Variants in OR52E5 observed in about 807,000 individuals in gnomAD.
OR52E5 encodes the protein olfactory receptor 52E5.
chr11:5,901,553 G>T lies in OR52E5; in HGVS notation c.777G>T (p.Met259Ile). The T allele has an allele frequency of 2.5e-6, 1 of 401,708 alleles. No homozygotes were observed. The highest frequency in any genetic ancestry group is 1.3e-4 in the South Asian group (1 of 7,918). 24.9% of individuals were successfully genotyped at this position (401,708 alleles called of 1,614,324 possible). ...ACCTGCCAGCCCTCTTTTCCTTCAT[G>T]ACACACCGCTTTGGCCACAACATCC... ...AFYLPALFSF[M>I]THRFGHNIPH... Residue 259 changes from methionine to isoleucine, a missense_variant, in exon 3 of 3, where the codon ATG (methionine) becomes ATT (isoleucine). Met to Ile is a conservative substitution (Grantham distance 10). Coordinates refer to ENST00000610445, the MANE Select transcript of OR52E5 (RefSeq NM_001005166.5).
intron 2 of OR52E5, among the ~76,000 whole-genome samples, chr11:5,898,815 A>G (rs1315002150): frequency 6.6e-6 from 1 of 152,166 alleles, no homozygotes; most frequent in African/African-American, 2.4e-5. Flanking sequence ...TGTTTCCAGC[A>G]ATGCCATGCT....
At chr11:5,898,969 G>GA (rs1254641584) in intron 2 of OR52E5, among the ~76,000 whole-genome samples, 1 of 151,944 alleles carries the variant, frequency 6.6e-6, no homozygotes, top group Non-Finnish European at 1.5e-5. Context: ...TTTCTAATTT[G>GA]AAAAAATGGC....
chr11:5,896,109 A>G (rs1421382021), intron 2 of OR52E5, among the ~76,000 whole-genome samples: 1 of 151,882 alleles, frequency 6.6e-6, no homozygotes, highest in African/African-American at 2.4e-5. Context: ...AGGTAGGAAT[A>G]TAAATAGAGA....
chr11:5,897,864 T>C (rs1847197086), intron 2 of OR52E5, among the ~76,000 whole-genome samples: 1 of 152,128 alleles, frequency 6.6e-6, no homozygotes, highest in Non-Finnish European at 1.5e-5. Flanking sequence ...TTGTTGTTTG[T>C]CTGCTTGTTC....
rs762698528 is a variant in OR52E5, at chr11:5,901,889, C to A, written c.*129C>A. On this transcript the variant is annotated 3_prime_UTR_variant, in exon 3 of 3. Transcript: ENST00000610445. ...CAGTACGGTCTGTTGGAAGTTATAG[C>A]TCAAAGATTCCAAAACAATCTCTCT... The A allele has an allele frequency of 1.3e-5, 5 of 398,566 alleles. No homozygotes were observed. Among genetic ancestry groups the A allele is most frequent in the African/African-American group, 2.1e-5 (1 of 48,616 alleles). The allele number at this position is 398,566 out of a possible 1,614,324, so 24.7% of individuals were successfully genotyped here. A position where few individuals can be genotyped will look rare whatever the true frequency, so the allele number is the denominator to read the frequency against.
intron 2 of OR52E5, among the ~76,000 whole-genome samples, chr11:5,897,918 A>G (rs1359209384): frequency 6.6e-6 from 1 of 152,120 alleles, no homozygotes; most frequent in Non-Finnish European, 1.5e-5. Context: ...GCTGGAGTGA[A>G]GTAGCACAAT....
intron 2 of OR52E5, among the ~76,000 whole-genome samples, chr11:5,895,977 T>C (rs1057049860): frequency 6.7e-5 from 10 of 150,256 alleles, no homozygotes; most frequent in African/African-American, 2.2e-4. Flanking sequence ...TCTACCCAAG[T>C]GGTGGAGGTT....
At chr11:5,893,474 G>C (rs1847131745) in intron 1 of OR52E5, among the ~76,000 whole-genome samples, 1 of 151,992 alleles carries the variant, frequency 6.6e-6, no homozygotes, top group Admixed American at 6.6e-5. Context: ...ATTACTTAAG[G>C]ACATGATAAA....
At chr11:5,900,503 G>A (rs1847234584) in intron 2 of OR52E5, 129 bp from the exon 3 acceptor site, 1 of 297,268 alleles carries the variant, frequency 3.4e-6, no homozygotes, top group South Asian at 1.6e-4. Flanking sequence ...AGAGACTGAA[G>A]GGAGGAAAGA....
intron 1 of OR52E5, 57 bp from the exon 2 acceptor site, chr11:5,895,575 G>A (rs558316211): frequency 1.3e-5 from 2 of 152,082 alleles, no homozygotes; most frequent in South Asian, 4.1e-4. Context: ...TTTAATCTTT[G>A]TAAATAGCCA....
chr11:5,901,566 G>C lies in OR52E5; in HGVS notation c.790G>C (p.Gly264Arg), dbSNP rs1367553356. Residue 264 changes from glycine to arginine, a missense_variant, in exon 3 of 3, where the codon GGC becomes CGC. Transcript: ENST00000610445. The part of the protein sequence containing the change: ...ALFSFMTHRF[G>R]HNIPHYIHIL... The stretch of plus-strand genomic sequence containing the variant: ...CTTTTCCTTCATGACACACCGCTTT[G>C]GCCACAACATCCCTCATTACATCCA... The C allele has an allele frequency of 7.5e-6, 3 of 401,624 alleles. No homozygotes were observed. The highest frequency in any genetic ancestry group is 6.2e-5 in the African/African-American group (3 of 48,652). The allele number at this position is 401,624 out of a possible 1,614,324, so 24.9% of individuals were successfully genotyped here. A position where few individuals can be genotyped will look rare whatever the true frequency, so the allele number is the denominator to read the frequency against.
chr11:5,901,978 A>G lies in OR52E5; in HGVS notation c.*218A>G, dbSNP rs2134299477. ...AGCCCCATGATACTACAAAATGCCTAAAGAGAAACAAAGGCTTTGTAAAAG... is the reference window on the plus strand; with the variant it reads ...AGCCCCATGATACTACAAAATGCCTGAAGAGAAACAAAGGCTTTGTAAAAG... On this transcript the variant is annotated 3_prime_UTR_variant, in exon 3 of 3. Transcript: ENST00000610445. 2 of 363,696 alleles carry G rather than the reference A, an allele frequency of 5.5e-6. No individual in the cohort carries two copies. The highest frequency in any genetic ancestry group is 4.0e-5 in the East Asian group (1 of 25,108). 22.5% of individuals were successfully genotyped at this position (363,696 alleles called of 1,614,324 possible).
chr11:5,893,617 G>C (rs73398275), intron 1 of OR52E5, among the ~76,000 whole-genome samples: 1 of 151,940 alleles, frequency 6.6e-6, no homozygotes, highest in African/African-American at 2.4e-5. Context: ...TCATTCCCTG[G>C]TTATAGCTGT....
At position 5,902,609 on chromosome 11, in the gene OR52E5, G is replaced by A. The variant is rs1261378346; in HGVS notation, c.*849G>A. On this transcript the variant is annotated 3_prime_UTR_variant, in exon 3 of 3. Coordinates refer to ENST00000610445, the MANE Select transcript of OR52E5 (RefSeq NM_001005166.5). ...ACTCAGGGAAATCCCATCCTCCACA[G>A]TCTTTGCTAGAGTGGGTTTTAGGGC... The A allele has an allele frequency of 6.6e-6, 1 of 152,202 alleles. No individual in the cohort carries two copies. Among genetic ancestry groups the A allele is most frequent in the Non-Finnish European group, 1.5e-5 (1 of 68,036 alleles). The allele number at this position is 152,202 out of a possible 1,614,324, so 9.4% of individuals were successfully genotyped here.
chr11:5,901,156 C>T lies in OR52E5; in HGVS notation c.380C>T (p.Ala127Val), dbSNP rs571668206. 4 of 401,374 alleles carry T rather than the reference C, an allele frequency of 1.0e-5. No homozygotes were observed. The highest frequency in any genetic ancestry group is 7.1e-5 in the East Asian group (2 of 28,084). 24.9% of individuals were successfully genotyped at this position (401,374 alleles called of 1,614,324 possible). ...LTVTGIDRYI[A>V]ICNPLRYSMI... ...GTCACGGGCATAGATCGCTATATTG[C>T]CATCTGCAACCCCCTGAGATATAGC... Residue 127 changes from alanine (A) to valine (V), a missense_variant, in exon 3 of 3, where the codon GCC becomes GTC. Coordinates refer to ENST00000610445, the MANE Select transcript of OR52E5 (RefSeq NM_001005166.5).
intron 2 of OR52E5, among the ~76,000 whole-genome samples, chr11:5,898,749 T>G (rs984623129): frequency 1.3e-5 from 2 of 152,176 alleles, no homozygotes; most frequent in Non-Finnish European, 2.9e-5. Flanking sequence ...CAGTTCGTTG[T>G]AGGTGTGTGG....
chr11:5,898,444 A>G (rs1392436995), intron 2 of OR52E5, among the ~76,000 whole-genome samples: 1 of 152,148 alleles, frequency 6.6e-6, no homozygotes, highest in Non-Finnish European at 1.5e-5. Flanking sequence ...TAGTGTAAGT[A>G]AATCCCATTT....
intron 1 of OR52E5, among the ~76,000 whole-genome samples, chr11:5,894,413 T>C (rs1847145440): frequency 6.6e-6 from 1 of 152,024 alleles, no homozygotes; most frequent in Admixed American, 6.6e-5. Context: ...AACAGAAAGA[T>C]AGATTGGCCT....
chr11:5,896,131 G>A (rs757108856), intron 2 of OR52E5, among the ~76,000 whole-genome samples: 9 of 149,906 alleles, frequency 6.0e-5, no homozygotes, highest in Non-Finnish European at 1.3e-4. Context: ...TTTAAAAACA[G>A]AACAGGGTAT....
Sources: gnomAD v4.1 joint callset for allele counts (sites outside exome capture counted in the v4.1 genomes callset) on GRCh38, gnomAD v4.1.1 for gene constraint, MANE v1.5 for transcripts, NCBI Gene and HGNC (gene_info 2026-07-23, HGNC 2026-07-21) for gene names.